STON2: variants seen among roughly 807,000 people sequenced by gnomAD.
STON2 encodes stonin-2.
A neutral mutation model predicts 65.7 loss-of-function variants in STON2; 29 were observed. The observed-to-expected ratio is 0.44, with a 90% CI of 0.33 to 0.60. STON2 has a LOEUF of 0.60. Ranked by LOEUF, STON2 falls within the 20% of genes least tolerant of loss-of-function variation. The pLI is 0.03. For synonymous variants in STON2, 404 were observed against 414.2 expected (o/e 0.98, Z 0.30); for missense variants, 1,054 against 1,118.1 (o/e 0.94, Z 0.82).
chr14:81,327,787 A>G (rs573761433), intron 4 of STON2, among the ~76,000 whole-genome samples: 1 of 152,270 alleles, frequency 6.6e-6, no homozygotes, highest in African/African-American at 2.4e-5. Flanking sequence ...AATCTATTTT[A>G]CTGAGATTAT....
intron 4 of STON2, among the ~76,000 whole-genome samples, chr14:81,347,169 A>G (rs1192715602): frequency 6.6e-6 from 1 of 152,088 alleles, no homozygotes; most frequent in East Asian, 1.9e-4. Flanking sequence ...AAATTGATAA[A>G]CCTTTAGCTA....
rs1048217527 is a variant in STON2 at position 81,277,993 on chromosome 14, T to C, written c.1489A>G (p.Ile497Val). The C allele has an allele frequency of 4.3e-6, 7 of 1,614,188 alleles. No homozygotes were observed. The highest frequency in any genetic ancestry group is 3.4e-6 in the Non-Finnish European group (4 of 1,180,032). ...GGTCCCCAGTGCCTGGAGGACATGA[T>C]GTTTTTCTTCTCAGGGATCCTCAAC... ...MMLRIPEKKNIMSSRHWGPIF... is the reference protein window; with the variant it reads ...MMLRIPEKKNVMSSRHWGPIF... The change falls in exon 6 of 8, where the codon ATC becomes GTC. Residue 497 changes from isoleucine to valine, a missense_variant. Coordinates refer to ENST00000614646, the MANE Select transcript of STON2 (RefSeq NM_001394390.1).
Position 81,270,854 on chromosome 14 carries a change from C to T in STON2, c.2600G>A (p.Cys867Tyr). 1 of 1,613,126 alleles carries T rather than the reference C, an allele frequency of 6.2e-7. No homozygotes were observed. The highest frequency in any genetic ancestry group is 8.5e-7 in the Non-Finnish European group (1 of 1,180,004). The change falls in exon 7 of 8, where the codon TGT becomes TAT. Residue 867 changes from cysteine (C) to tyrosine (Y), a missense_variant. Coordinates refer to ENST00000614646, the MANE Select transcript of STON2 (RefSeq NM_001394390.1). Reference protein sequence around the residue: ...DKNSASGHPHCFFCHLELGSD... With the variant: ...DKNSASGHPHYFFCHLELGSD... ...GCCGAGTTCAAGGTGGCAAAAGAAA[C>T]AGTGTGGGTGACCGGAAGCTATGAA... is the stretch of plus-strand genomic sequence containing the variant.
At chr14:81,423,344 T>C (rs1241414942) in intron 2 of STON2, among the ~76,000 whole-genome samples, 1 of 152,124 alleles carries the variant, frequency 6.6e-6, no homozygotes, top group Non-Finnish European at 1.5e-5. Context: ...TCTGGAAAAA[T>C]ACACATACAT....
At chr14:81,339,292 G>A (rs1178451694) in intron 4 of STON2, among the ~76,000 whole-genome samples, 1 of 152,198 alleles carries the variant, frequency 6.6e-6, no homozygotes, top group African/African-American at 2.4e-5. Flanking sequence ...AAACCCCAGA[G>A]TGAGTTATGG....
intron 3 of STON2, among the ~76,000 whole-genome samples, chr14:81,389,662 AG>A (rs896269661): frequency 6.6e-6 from 1 of 152,226 alleles, no homozygotes; most frequent in African/African-American, 2.4e-5. Flanking sequence ...TTTAGACAAA[AG>A]TTTCTCCTAG....
intron 1 of STON2, among the ~76,000 whole-genome samples, chr14:81,433,898 A>G (rs1043551001): frequency 6.6e-6 from 1 of 152,152 alleles, no homozygotes. Context: ...ACTGACTGTA[A>G]CAGTCCTTTT....
Position 81,413,305 on chromosome 14 carries a change from T to C in STON2, c.-199+13797A>G. ...CAAGGACTGCAGCCTAAATTCCAAATACCAGAGACTGAAATTTTCAGCCTT... is the reference window on the plus strand; with the variant it reads ...CAAGGACTGCAGCCTAAATTCCAAACACCAGAGACTGAAATTTTCAGCCTT... On this transcript the variant is annotated intron_variant, in intron 2 of 8. Coordinates refer to the STON2 transcript ENST00000553821. 4 of 1,282,774 alleles carry C rather than the reference T, an allele frequency of 3.1e-6. 1 individual carries two copies. In the South Asian group the frequency reaches 6.3e-5, roughly 20 times the overall value. The allele number at this position is 1,282,774 out of a possible 1,614,324, so 79.5% of individuals were successfully genotyped here. A position where few individuals can be genotyped will look rare whatever the true frequency, so the allele number is the denominator to read the frequency against.
At chr14:81,370,937 G>A (rs1394345178) in intron 4 of STON2, 51 bp downstream of exon 4, 10 of 1,556,892 alleles carry the variant, frequency 6.4e-6, no homozygotes, top group Non-Finnish European at 8.8e-6. Context: ...AGTGGACCTG[G>A]GTACACCAAA....
chr14:81,327,942 C>T (rs1433415883), intron 4 of STON2, among the ~76,000 whole-genome samples: 1 of 152,172 alleles, frequency 6.6e-6, no homozygotes, highest in East Asian at 1.9e-4. Context: ...CACTTGTGAG[C>T]GCTATGACTT....
intron 5 of STON2, among the ~76,000 whole-genome samples, chr14:81,294,509 C>T (rs1248258318): frequency 6.6e-6 from 1 of 152,200 alleles, no homozygotes; most frequent in Non-Finnish European, 1.5e-5. Flanking sequence ...ACTAGGCCTC[C>T]ATTCCCTCAA....
intron 5 of STON2, among the ~76,000 whole-genome samples, chr14:81,313,952 G>A (rs1457248607): frequency 1.3e-5 from 2 of 152,154 alleles, no homozygotes; most frequent in Non-Finnish European, 2.9e-5. Context: ...GTTCAAGGAA[G>A]GCTTCCCTGA....
Position 81,371,228 on chromosome 14 carries a change from T to A in STON2, c.374-43A>T, listed in dbSNP as rs914319082. The A allele has an allele frequency of 2.5e-6, 4 of 1,568,838 alleles. No individual in the cohort carries two copies. The African/African-American group carries it at 4.1e-5, about 16-fold the overall frequency. ...ACCAAAAGCATACAATATAAATAGTTGTACTTTGTTTATCTTTAGTGCTTA... is the reference window on the plus strand; with the variant it reads ...ACCAAAAGCATACAATATAAATAGTAGTACTTTGTTTATCTTTAGTGCTTA... On this transcript the variant is annotated intron_variant, in intron 3 of 7. Transcript: ENST00000614646.
intron 5 of STON2, among the ~76,000 whole-genome samples, chr14:81,281,399 G>A (rs1895112886): frequency 6.6e-6 from 1 of 152,174 alleles, no homozygotes; most frequent in African/African-American, 2.4e-5. Flanking sequence ...TGGGAAAGGG[G>A]TACATCTCAA....
At chr14:81,369,749 T>C (rs1898902516) in intron 4 of STON2, among the ~76,000 whole-genome samples, 2 of 152,116 alleles carry the variant, frequency 1.3e-5, no homozygotes, top group Admixed American at 1.3e-4. Flanking sequence ...TGGGTATGCA[T>C]ATGGGCCTCC....
rs759246123 is a variant in STON2, at chr14:81,277,145, C to T, written c.2337G>A (p.Gln779=). ...GFSANRDPLT[Q]VPCENVMIRY... The stretch of plus-strand genomic sequence containing the variant: ...GGATCATCACATTCTCACAGGGAAC[C>T]TGAGTGAGGGGGTCACGATTGGCGG... The change falls in exon 6 of 8, where the codon CAG becomes CAA. Residue 779 remains glutamine, a synonymous_variant. Coordinates refer to ENST00000614646, the MANE Select transcript of STON2 (RefSeq NM_001394390.1). 2 of 1,614,226 alleles carry T rather than the reference C, an allele frequency of 1.2e-6. No individual in the cohort carries two copies. The highest frequency in any genetic ancestry group is 8.5e-7 in the Non-Finnish European group (1 of 1,180,046).
chr14:81,293,942 TTG>T (rs1466519457), intron 5 of STON2, among the ~76,000 whole-genome samples: 1 of 152,174 alleles, frequency 6.6e-6, no homozygotes, highest in Non-Finnish European at 1.5e-5. Context: ...TTTGAGGTGG[TTG>T]TAACACAGTA....
chr14:81,322,325 T>C (rs140701182), intron 5 of STON2, among the ~76,000 whole-genome samples: 122 of 152,344 alleles, frequency 8.0e-4, no homozygotes, highest in African/African-American at 2.9e-3. Context: ...GTTAACTGCA[T>C]GGGCGACTTA....
At chr14:81,394,422 G>C (rs1033353868) in intron 3 of STON2, among the ~76,000 whole-genome samples, 1 of 151,964 alleles carries the variant, frequency 6.6e-6, no homozygotes, top group Non-Finnish European at 1.5e-5. Context: ...TTGCTAGTAG[G>C]TCTCTGTGGT....
Sources: gnomAD v4.1 joint callset for allele counts (sites outside exome capture counted in the v4.1 genomes callset) on GRCh38, gnomAD v4.1.1 for gene constraint, MANE v1.5 for transcripts, NCBI Gene and HGNC (gene_info 2026-07-23, HGNC 2026-07-21) for gene names.